The following FOXP2 variants were observed in gnomAD, a reference collection of about 807,000 sequenced individuals.
The protein encoded by FOXP2 is forkhead box protein P2.
Under a neutral mutation model 115.8 loss-of-function variants are expected in FOXP2, and 12 were observed. The observed-to-expected ratio is 0.10, with a 90% CI of 0.07 to 0.17. The LOEUF (loss-of-function observed/expected upper bound fraction) is 0.17, where lower values mean the gene tolerates loss of function less well. Among genes scored for constraint, FOXP2 ranks in the 10% least tolerant of loss-of-function variants. The pLI is 1.00. For missense variants in FOXP2, 629 were observed against 843.5 expected, an observed-to-expected ratio of 0.75 and a Z score of 3.15; for synonymous variants, 328 against 297.7, an observed-to-expected ratio of 1.10 and a Z score of -1.05.
Position 114,689,876 on chromosome 7 carries a change from G to A in FOXP2, c.2098G>A (p.Glu700Lys), listed in dbSNP as rs753857220. The A allele has an allele frequency of 6.2e-7, 1 of 1,613,432 alleles. No individual in the cohort carries two copies. Among genetic ancestry groups the A allele is most frequent in the South Asian group, 1.1e-5 (1 of 91,074 alleles). ...AACAGCTAATCACAGTCCAGAATTA[G>A]AAGACGACAGAGAGATTGAAGAAGA... ...VTTANHSPEL[E>K]DDREIEEEPL... The change falls in exon 17 of 17, where the codon GAA (glutamate) becomes AAA (lysine). Residue 700 changes from glutamate (E) to lysine (K), a missense_variant. This residue lies in a region of FOXP2 where 117 missense variants were observed against 112.3 expected (regional missense o/e 1.04). Coordinates refer to ENST00000350908, the MANE Select transcript of FOXP2 (RefSeq NM_014491.4).
chr7:114,485,809 G>T (rs1042490943), intron 2 of FOXP2, among the ~76,000 whole-genome samples: 13 of 152,094 alleles, frequency 8.5e-5, no homozygotes, highest in African/African-American at 2.9e-4. Flanking sequence ...GAACTATGAA[G>T]ATGGAAATAA....
chr7:114,461,255 C>T (rs1463778650), intron 2 of FOXP2, among the ~76,000 whole-genome samples: 2 of 152,160 alleles, frequency 1.3e-5, no homozygotes, highest in African/African-American at 4.8e-5. Context: ...TTTGGCTTCT[C>T]TGTTTCATTG....
intron 2 of FOXP2, among the ~76,000 whole-genome samples, chr7:114,518,487 C>T (rs555931563): frequency 1.3e-5 from 2 of 151,894 alleles, no homozygotes; most frequent in East Asian, 1.9e-4. Flanking sequence ...CAGTAACAGC[C>T]CTTTGACCCA....
intron 1 of FOXP2, among the ~76,000 whole-genome samples, chr7:114,142,436 A>G (rs1007269558): frequency 1.3e-5 from 2 of 152,188 alleles, no homozygotes; most frequent in Non-Finnish European, 1.5e-5. Flanking sequence ...TTCCAAAAAA[A>G]ATTAGATCTT....
intron 2 of FOXP2, among the ~76,000 whole-genome samples, chr7:114,513,217 G>A (rs1562968772): frequency 6.6e-6 from 1 of 152,082 alleles, no homozygotes; most frequent in Non-Finnish European, 1.5e-5. Flanking sequence ...GCTGTAAAAT[G>A]TTATATTCTG....
rs975074323 is a variant in FOXP2, at chr7:114,481,687, C to T, written c.169-52930C>T. Among the ~76,000 whole-genome samples the T allele has an allele frequency of 2.6e-5, 4 of 151,172 alleles. No homozygotes were observed. The South Asian group carries it at 8.3e-4, about 31-fold the overall frequency. On this transcript the variant is annotated intron_variant, in intron 2 of 16. Transcript: ENST00000350908. ...AGGATCAAGTCACCTCTAGGAAATT[C>T]CCCCAGAGTATTTAATTCCCTGGCT...
upstream of FOXP2, among the ~76,000 whole-genome samples, chr7:114,162,672 G>A (rs994249184): frequency 1.3e-5 from 2 of 151,990 alleles, no homozygotes; most frequent in East Asian, 3.9e-4. Context: ...ATTTGAGTAG[G>A]CTTTGTAGTC....
chr7:114,411,537 GT>G (rs1184240247), upstream of FOXP2, among the ~76,000 whole-genome samples: 3 of 152,034 alleles, frequency 2.0e-5, no homozygotes, highest in Non-Finnish European at 2.9e-5. Flanking sequence ...GTTCTTCCAT[GT>G]TTCTGTTTTG....
intron 16 of FOXP2, among the ~76,000 whole-genome samples, chr7:114,675,393 T>C (rs1807699569): frequency 6.6e-6 from 1 of 152,182 alleles, no homozygotes. Flanking sequence ...ACAGGTTAGC[T>C]ACTCAAAAGT....
chr7:114,253,480 A>G (rs1272841869), intron 1 of FOXP2, among the ~76,000 whole-genome samples: 7 of 152,110 alleles, frequency 4.6e-5, no homozygotes, highest in Non-Finnish European at 1.0e-4. Context: ...GTGCTCCTGT[A>G]TTGGGTGCAT....
chr7:114,328,034 C>T (rs996737472), intron 2 of FOXP2, among the ~76,000 whole-genome samples: 1 of 151,666 alleles, frequency 6.6e-6, no homozygotes, highest in African/African-American at 2.4e-5. Flanking sequence ...AATCCCCCCA[C>T]CTCAGCCTCC....
chr7:114,406,853 A>G (rs1449521703), intron 2 of FOXP2, among the ~76,000 whole-genome samples: 1 of 151,906 alleles, frequency 6.6e-6, no homozygotes, highest in Non-Finnish European at 1.5e-5. Context: ...CTTTATCGCT[A>G]CAGTACAGTA....
chr7:114,326,237 C>A (rs1797554363), intron 2 of FOXP2, among the ~76,000 whole-genome samples: 1 of 151,982 alleles, frequency 6.6e-6, no homozygotes, highest in Non-Finnish European at 1.5e-5. Flanking sequence ...GCAAAGAGTA[C>A]AAAGTTTGTA....
intron 1 of FOXP2, among the ~76,000 whole-genome samples, chr7:114,245,961 T>C (rs1384870916): frequency 6.6e-6 from 1 of 151,958 alleles, no homozygotes; most frequent in Non-Finnish European, 1.5e-5. Context: ...TATATAGAAA[T>C]AGGATATAAA....
At chr7:114,137,094 A>G (rs1792062044) in intron 1 of FOXP2, among the ~76,000 whole-genome samples, 1 of 152,112 alleles carries the variant, frequency 6.6e-6, no homozygotes, top group South Asian at 2.1e-4. Context: ...AAAATTAATG[A>G]AATGACAGCA....
chr7:114,643,320 T>C lies in FOXP2; in HGVS notation c.989+697T>C, dbSNP rs1208144134. On this transcript the variant is annotated intron_variant, in intron 7 of 16. Coordinates refer to ENST00000350908, the MANE Select transcript of FOXP2 (RefSeq NM_014491.4). ...TTAATTTCAAATAATTAAAGATGCA[T>C]GGATATCTCTCTTATATGTTTCAAA... Among the ~76,000 whole-genome samples, 4 of 152,178 alleles carry C rather than the reference T, an allele frequency of 2.6e-5. No homozygotes were observed. The East Asian group carries it at 7.7e-4, about 29-fold the overall frequency.
chr7:114,133,530 A>T (rs1319050724), intron 1 of FOXP2, among the ~76,000 whole-genome samples: 2 of 152,234 alleles, frequency 1.3e-5, no homozygotes, highest in Admixed American at 6.5e-5. Context: ...TCCACTGTTG[A>T]TATTTTGAGT....
At chr7:114,622,244 G>GA (rs375161344) in intron 3 of FOXP2, among the ~76,000 whole-genome samples, 2 of 151,542 alleles carry the variant, frequency 1.3e-5, no homozygotes, top group Admixed American at 1.3e-4. Context: ...ATTTTCAGGA[G>GA]AAAAAAAATT....
chr7:114,226,033 A>C (rs1253202697), intron 1 of FOXP2, among the ~76,000 whole-genome samples: 1 of 152,180 alleles, frequency 6.6e-6, no homozygotes, highest in Non-Finnish European at 1.5e-5. Context: ...GGTGGTTGTC[A>C]TAGAACACAA....
Sources: allele counts gnomAD v4.1 joint callset (sites outside exome capture counted in the v4.1 genomes callset), GRCh38; gene constraint gnomAD v4.1.1; regional missense constraint gnomAD v4.1.1; transcripts MANE v1.5; gene names NCBI Gene and HGNC (gene_info 2026-07-23, HGNC 2026-07-21).